ZNF704: variants seen among roughly 807,000 people sequenced by gnomAD.
ZNF704 encodes the protein zinc finger protein 704, also known as glucocorticoid induced gene 1.
In ZNF704, 10 loss-of-function variants were observed where a neutral mutation model predicts 44.7. The ratio of observed to expected loss-of-function variants is 0.22; its 90% CI spans 0.14 to 0.38. ZNF704 has a LOEUF of 0.38. Ranked by LOEUF, ZNF704 falls within the 10% of genes least tolerant of loss-of-function variation. The pLI, the probability that ZNF704 is intolerant of heterozygous loss-of-function variation, is 1.00. For missense variants in ZNF704, 390 were observed against 545.5 expected (o/e 0.71, Z 2.84); for synonymous variants, 211 against 207.6 (o/e 1.02, Z -0.14).
intron 2 of ZNF704, among the ~76,000 whole-genome samples, chr8:80,741,737 G>A (rs1329247379): frequency 2.0e-5 from 3 of 152,138 alleles, no homozygotes; most frequent in Non-Finnish European, 2.9e-5. Flanking sequence ...TCAAACCTAC[G>A]CCGCTCGAGG....
intron 2 of ZNF704, among the ~76,000 whole-genome samples, chr8:80,808,704 C>G (rs1044253851): frequency 2.6e-5 from 4 of 152,180 alleles, no homozygotes; most frequent in African/African-American, 9.7e-5. Flanking sequence ...TCGTTTGATA[C>G]AATCATTAAG....
intron 2 of ZNF704, among the ~76,000 whole-genome samples, chr8:80,702,420 T>C (rs1226381943): frequency 6.6e-6 from 1 of 152,202 alleles, no homozygotes; most frequent in Non-Finnish European, 1.5e-5. Flanking sequence ...CTTGATCCTG[T>C]TGTGATGGTC....
chr8:80,699,911 T>C (rs1818783211), intron 2 of ZNF704, among the ~76,000 whole-genome samples: 1 of 152,112 alleles, frequency 6.6e-6, no homozygotes, highest in Non-Finnish European at 1.5e-5. Context: ...CCTTTTACCA[T>C]ACCCAGGCTC....
intron 2 of ZNF704, among the ~76,000 whole-genome samples, chr8:80,703,127 G>A (rs373023038): frequency 1.3e-5 from 2 of 152,176 alleles, no homozygotes; most frequent in East Asian, 1.9e-4. Flanking sequence ...CTGGTCTCCC[G>A]ACTCTCTACC....
At chr8:80,792,459 A>T (rs1367738579) in intron 2 of ZNF704, among the ~76,000 whole-genome samples, 1 of 152,196 alleles carries the variant, frequency 6.6e-6, no homozygotes, top group East Asian at 1.9e-4. Context: ...CCTGGTTTGC[A>T]GACCATGATA....
At chr8:80,731,167 C>T (rs551694014) in intron 2 of ZNF704, among the ~76,000 whole-genome samples, 6 of 152,318 alleles carry the variant, frequency 3.9e-5, no homozygotes, top group African/African-American at 1.2e-4. Context: ...ACAGCATCTA[C>T]TGTTTAATAA....
intron 4 of ZNF704, among the ~76,000 whole-genome samples, chr8:80,671,607 T>G (rs1046152685): frequency 2.6e-5 from 4 of 152,248 alleles, no homozygotes; most frequent in African/African-American, 9.7e-5. Flanking sequence ...GTGAGTTTTC[T>G]CCAGGGAGGT....
chr8:80,672,893 A>G (rs1458336447), intron 4 of ZNF704, among the ~76,000 whole-genome samples: 2 of 152,142 alleles, frequency 1.3e-5, no homozygotes, highest in Non-Finnish European at 2.9e-5. Flanking sequence ...GAACCTGCAT[A>G]GGTACCCTGA....
At chr8:80,668,291 G>A (rs1487590404) in intron 5 of ZNF704, among the ~76,000 whole-genome samples, 1 of 152,196 alleles carries the variant, frequency 6.6e-6, no homozygotes, top group Non-Finnish European at 1.5e-5. Flanking sequence ...CCACTAATGA[G>A]CCCTGCATAG....
intron 2 of ZNF704, among the ~76,000 whole-genome samples, chr8:80,740,949 C>T (rs1317870728): frequency 6.6e-6 from 1 of 152,264 alleles, no homozygotes; most frequent in African/African-American, 2.4e-5. Context: ...CGCTTTTAAA[C>T]TTCCTTGCCA....
intron 1 of ZNF704, among the ~76,000 whole-genome samples, chr8:80,834,027 C>T (rs985119502): frequency 3.3e-5 from 5 of 152,006 alleles, no homozygotes. Context: ...CCTTATGATT[C>T]TAATGTCAGA....
At chr8:80,819,704 C>A (rs1808236410) in intron 2 of ZNF704, among the ~76,000 whole-genome samples, 1 of 151,968 alleles carries the variant, frequency 6.6e-6, no homozygotes, top group Non-Finnish European at 1.5e-5. Flanking sequence ...AGGAAATAAT[C>A]CTAAATAACT....
chr8:80,684,441 C>T (rs912176573), intron 4 of ZNF704, among the ~76,000 whole-genome samples: 14 of 152,186 alleles, frequency 9.2e-5, no homozygotes, highest in African/African-American at 2.9e-4. Flanking sequence ...TGGATTGAGA[C>T]GTGCAGTTGG....
intron 7 of ZNF704, 100 bp downstream of exon 7, chr8:80,659,485 T>C: frequency 1.1e-6 from 1 of 904,882 alleles, no homozygotes; most frequent in South Asian, 1.4e-5. Flanking sequence ...TCTGGCATTC[T>C]GATGTTTGTA....
In ZNF704 at chr8:80,632,786, T is replaced by G. The variant is rs560508944; in HGVS notation, c.*8580A>C. The G allele has an allele frequency of 6.6e-6, 1 of 152,212 alleles. No individual in the cohort carries two copies. 9.4% of individuals were successfully genotyped at this position (152,212 alleles called of 1,614,324 possible). A position where few individuals can be genotyped will look rare whatever the true frequency, so the allele number is the denominator to read the frequency against. On this transcript the variant is annotated 3_prime_UTR_variant, in exon 9 of 9. Transcript: ENST00000327835. ...TTCTTTCTTCATGGGTCTTTCTACA[T>G]CCTGTTATTGTCATGGCAACGGCGC...
the ZNF704 span, among the ~76,000 whole-genome samples, chr8:80,881,800 C>T: frequency 3.9e-5 from 6 of 152,188 alleles, no homozygotes; most frequent in South Asian, 1.2e-3. Flanking sequence ...TGGTGGTGGG[C>T]ACCTGTAATC....
At chr8:80,738,603 C>A (rs984312907) in intron 2 of ZNF704, among the ~76,000 whole-genome samples, 8 of 151,604 alleles carry the variant, frequency 5.3e-5, no homozygotes, top group African/African-American at 1.9e-4. Flanking sequence ...ACCTTTTAAC[C>A]TTTGCACTGA....
intron 2 of ZNF704, among the ~76,000 whole-genome samples, chr8:80,704,352 CT>C (rs1818861808): frequency 6.6e-6 from 1 of 152,214 alleles, no homozygotes; most frequent in South Asian, 2.1e-4. Context: ...AGAAAGCCCT[CT>C]GTGTGCATGT....
At chr8:80,833,431 C>G (rs956489082) in intron 1 of ZNF704, among the ~76,000 whole-genome samples, 2 of 152,118 alleles carry the variant, frequency 1.3e-5, no homozygotes, top group African/African-American at 4.8e-5. Context: ...AAAAATGACA[C>G]CCAAAAACAG....
Sources: gnomAD v4.1 joint callset for allele counts (sites outside exome capture counted in the v4.1 genomes callset) on GRCh38, gnomAD v4.1.1 for gene constraint, MANE v1.5 for transcripts, NCBI Gene and HGNC (gene_info 2026-07-23, HGNC 2026-07-21) for gene names.